SLFNL1: variants seen among roughly 807,000 people sequenced by gnomAD.
SLFNL1 encodes schlafen like 1, also known as schlafen-like protein 1.
SLFNL1 carries 26 observed loss-of-function variants against 32.5 expected under a neutral mutation model. The ratio of observed to expected loss-of-function variants is 0.80; its 90% CI spans 0.59 to 1.11. SLFNL1 has a LOEUF of 1.11. Among genes scored for constraint, SLFNL1 ranks in the 50% least tolerant of loss-of-function variants. SLFNL1 has a pLI of 0.00. For missense variants in SLFNL1, 553 were observed against 546.5 expected (o/e 1.01, Z -0.12); for synonymous variants, 255 against 242.2 (o/e 1.05, Z -0.49).
chr1:41,019,881 A>G (rs1380843154), intron 3 of SLFNL1, among the ~76,000 whole-genome samples: 5 of 152,160 alleles, frequency 3.3e-5, no homozygotes, highest in South Asian at 2.1e-4. Context: ...ATGTTTGTCA[A>G]TTGAACAAAT....
intron 3 of SLFNL1, among the ~76,000 whole-genome samples, chr1:41,019,813 CTGGGGGCCTGGCT>C (rs1380912985): frequency 6.6e-6 from 1 of 152,222 alleles, no homozygotes; most frequent in African/African-American, 2.4e-5. Context: ...GCAGGGCTTC[CTGGGGGCCTGGCT>C]GGGCCTCTCA....
chr1:41,020,322 C>T lies in SLFNL1; in HGVS notation c.339G>A (p.Gln113=). The T allele has an allele frequency of 6.2e-7, 1 of 1,613,718 alleles. No individual in the cohort carries two copies. The highest frequency in any genetic ancestry group is 8.5e-7 in the Non-Finnish European group (1 of 1,180,008). ...DTLASLPWRL[Q]TALEEHLILK... The stretch of plus-strand genomic sequence containing the variant: ...GGATTAGGTGCTCCTCCAGGGCCGT[C>T]TGCAGGCGCCAGGGGAGGGAGGCCA... Residue 113 remains glutamine (Q), a synonymous_variant, in exon 3 of 6, where the codon CAG becomes CAA. Coordinates refer to ENST00000302946, the MANE Select transcript of SLFNL1 (RefSeq NM_144990.4).
intron 3 of SLFNL1, 35 bp from the exon 4 acceptor site, chr1:41,018,191 A>G (rs1185188560): frequency 2.1e-6 from 3 of 1,437,714 alleles, no homozygotes; most frequent in Non-Finnish European, 9.1e-7. Context: ...GTATGGGTCC[A>G]GCCAGGAAAT....
intron 3 of SLFNL1, among the ~76,000 whole-genome samples, chr1:41,019,774 T>C (rs6670087): frequency 0.15 from 22,809 of 152,244 alleles, 2,220 homozygotes; most frequent in Non-Finnish European, 0.21. Flanking sequence ...TGCAGCTCGG[T>C]GGGTGGCTGT....
Position 41,017,872 on chromosome 1 carries a change from C to T in SLFNL1, c.720G>A (p.Lys240=). The part of the protein sequence containing the change: ...GSGEYLSLAF[K]HHVRRYVCAF... ...CGCACACGTAGCGCCGCACGTGGTG[C>T]TTGAAGGCCAGGCTGAGGTACTCGC... is the stretch of plus-strand genomic sequence containing the variant. The change falls in exon 4 of 6, where the codon AAG becomes AAA. Residue 240 remains lysine, a synonymous_variant. Transcript: ENST00000302946. The surrounding 1 kb of genome is among the most constrained non-coding windows in gnomAD (Gnocchi z 4.9). 3 of 1,607,630 alleles carry T rather than the reference C, an allele frequency of 1.9e-6. No individual in the cohort carries two copies. The highest frequency in any genetic ancestry group is 2.6e-6 in the Non-Finnish European group (3 of 1,175,436).
chr1:41,016,002 TCAG>T lies in SLFNL1; in HGVS notation c.*101_*103del, dbSNP rs1643291286. 6.8e-7 allele frequency: 1 copy of T among 1,461,086 alleles called. No homozygotes were observed. Among genetic ancestry groups the T allele is most frequent in the South Asian group, 1.4e-5 (1 of 71,516 alleles). The allele number at this position is 1,461,086 out of a possible 1,614,324, so 90.5% of individuals were successfully genotyped here. Reference sequence around the variant, plus strand: ...TGTTGAAGGAGTCCCTGTCCGCCTCTCAGCAGCCCGCATGGGCTTTACTGGTTG... The same window carrying T: ...TGTTGAAGGAGTCCCTGTCCGCCTCTCAGCCCGCATGGGCTTTACTGGTTG... On this transcript the variant is annotated 3_prime_UTR_variant, in exon 6 of 6. Coordinates refer to ENST00000302946, the MANE Select transcript of SLFNL1 (RefSeq NM_144990.4).
At chr1:41,016,346 A>C in intron 5 of SLFNL1, 118 bp from the exon 6 acceptor site, 22 of 1,467,286 alleles carry the variant, frequency 1.5e-5, no homozygotes, top group African/African-American at 2.8e-5. Context: ...GAGCTTTCTC[A>C]GCTAGGGGAA....
chr1:41,019,205 G>T (rs972467131), intron 3 of SLFNL1, among the ~76,000 whole-genome samples: 1 of 152,106 alleles, frequency 6.6e-6, no homozygotes. Context: ...TTGGGGTGAG[G>T]AGACTGAGGC....
Position 41,021,081 on chromosome 1 carries a change from C to T in SLFNL1, c.-125-211G>A, listed in dbSNP as rs887822555. On this transcript the variant is annotated intron_variant, in intron 1 of 5. Coordinates refer to ENST00000302946, the MANE Select transcript of SLFNL1 (RefSeq NM_144990.4). Reference sequence around the variant, plus strand: ...AGGGTTTCCTGCCTACCAGTTCACTCCTGCCTCCAGGCAACAGAGAAAACC... The same window carrying T: ...AGGGTTTCCTGCCTACCAGTTCACTTCTGCCTCCAGGCAACAGAGAAAACC... 4.5e-5 allele frequency: 8 copies of T among 176,590 alleles called. No individual in the cohort carries two copies. The East Asian group carries it at 1.1e-3, about 24-fold the overall frequency. 10.9% of individuals were successfully genotyped at this position (176,590 alleles called of 1,614,324 possible). A position where few individuals can be genotyped will look rare whatever the true frequency, so the allele number is the denominator to read the frequency against.
Position 41,017,077 on chromosome 1 carries a change from T to C in SLFNL1, c.1101+157A>G. 1 of 850,070 alleles carries C rather than the reference T, an allele frequency of 1.2e-6. No individual in the cohort carries two copies. Among genetic ancestry groups the C allele is most frequent in the Non-Finnish European group, 1.7e-6 (1 of 582,856 alleles). 52.7% of individuals were successfully genotyped at this position (850,070 alleles called of 1,614,324 possible). A position where few individuals can be genotyped will look rare whatever the true frequency, so the allele number is the denominator to read the frequency against. On this transcript the variant is annotated intron_variant, in intron 5 of 5. Coordinates refer to ENST00000302946, the MANE Select transcript of SLFNL1 (RefSeq NM_144990.4). The surrounding 1 kb of genome is among the most constrained non-coding windows in gnomAD (Gnocchi z 4.9). The stretch of plus-strand genomic sequence containing the variant: ...CCACCAGCCACCTACCCGCGGAGTA[T>C]GGGATGTGGTGTGATTGTATTCCAA...
In SLFNL1 at chr1:41,017,598, T is replaced by A. The variant is rs1643455975; in HGVS notation, c.957+37A>T. The A allele has an allele frequency of 2.0e-6, 3 of 1,512,140 alleles. No homozygotes were observed. Among genetic ancestry groups the A allele is most frequent in the Non-Finnish European group, 2.7e-6 (3 of 1,130,476 alleles). 93.7% of individuals were successfully genotyped at this position (1,512,140 alleles called of 1,614,324 possible). ...CATCGTCTTACTGAGTGATGACAGA[T>A]GACAGGCCCAGAGGCCCTCCTGTCC... is the stretch of plus-strand genomic sequence containing the variant. On this transcript the variant is annotated intron_variant, in intron 4 of 5. Coordinates refer to ENST00000302946, the MANE Select transcript of SLFNL1 (RefSeq NM_144990.4). The surrounding 1 kb of genome is among the most constrained non-coding windows in gnomAD (Gnocchi z 4.9).
intron 3 of SLFNL1, 50 bp downstream of exon 3, chr1:41,020,176 T>C (rs1245387195): frequency 6.6e-7 from 1 of 1,519,818 alleles, no homozygotes; most frequent in Non-Finnish European, 8.8e-7. Context: ...ACTCAGAGGC[T>C]CTCCCTTGGG....
Position 41,016,067 on chromosome 1 carries a change from T to C in SLFNL1, c.*39A>G, listed in dbSNP as rs1195794920. The C allele has an allele frequency of 6.3e-7, 1 of 1,590,968 alleles. No homozygotes were observed. Among genetic ancestry groups the C allele is most frequent in the East Asian group, 2.3e-5 (1 of 43,616 alleles). On this transcript the variant is annotated 3_prime_UTR_variant, in exon 6 of 6. Coordinates refer to ENST00000302946, the MANE Select transcript of SLFNL1 (RefSeq NM_144990.4). ...AAACAGGAAATCCCTGGGTCTCAGG[T>C]GGAGAGTGCCGTGCCGTCCTGCCTG... is the stretch of plus-strand genomic sequence containing the variant.
rs369339564 is a variant in SLFNL1, at chr1:41,017,761, G to A, written c.831C>T (p.Asp277=). The A allele has an allele frequency of 1.1e-5, 17 of 1,607,894 alleles. No individual in the cohort carries two copies. The highest frequency in any genetic ancestry group is 2.2e-5 in the East Asian group (1 of 44,736). ...CCACCAGCAGGCGTGCGCGGTCCTCGTCACGGTGGCTGCAGCGGATGCCCT... is the reference window on the plus strand; with the variant it reads ...CCACCAGCAGGCGTGCGCGGTCCTCATCACGGTGGCTGCAGCGGATGCCCT... ...LVQGIRCSHR[D]EDRARLLVDS... The change falls in exon 4 of 6, where the codon GAC becomes GAT. Residue 277 remains aspartate (D), a synonymous_variant. Transcript: ENST00000302946. This position sits in a 1 kb window ranked among gnomAD's most constrained non-coding sequence, Gnocchi z 4.9.
At position 41,020,216 on chromosome 1, in the gene SLFNL1, T is replaced by A; in HGVS notation, c.435+10A>T. The A allele has an allele frequency of 5.1e-6, 8 of 1,568,168 alleles. No individual in the cohort carries two copies. The highest frequency in any genetic ancestry group is 6.9e-6 in the Non-Finnish European group (8 of 1,156,178). On this transcript the variant is annotated intron_variant, in intron 3 of 5. Transcript: ENST00000302946. ...GGCTTTGGAGCTTGCTTGGGAAAAG[T>A]CCCACTTACCTCTCTGTGGCTGAAG...
At chr1:41,021,146 A>G in intron 1 of SLFNL1, 1 of 157,596 alleles carries the variant, frequency 6.3e-6, no homozygotes, top group Admixed American at 6.0e-5. Flanking sequence ...TTAACCCAGG[A>G]CTCTGAGGAC....
rs367722858 is a variant in SLFNL1, at chr1:41,020,192, G to A, written c.435+34C>T. 1.6e-4 allele frequency: 245 copies of A among 1,552,690 alleles called. 1 individual carries two copies. The Middle Eastern group carries it at 3.3e-3, about 21-fold the overall frequency. The stretch of plus-strand genomic sequence containing the variant: ...CTCAGAGGCTCTCCCTTGGGGTGAG[G>A]CTTTGGAGCTTGCTTGGGAAAAGTC... On this transcript the variant is annotated intron_variant, in intron 3 of 5. Transcript: ENST00000302946.
At position 41,020,767 on chromosome 1, in the gene SLFNL1, GTGT is replaced by G; in HGVS notation, c.-110_-108del. The G allele has an allele frequency of 2.9e-6, 3 of 1,022,474 alleles. No individual in the cohort carries two copies. The highest frequency in any genetic ancestry group is 4.3e-6 in the Non-Finnish European group (3 of 703,382). The allele number at this position is 1,022,474 out of a possible 1,614,324, so 63.3% of individuals were successfully genotyped here. ...TAAGGGCTCCCAGAGGACTCAGGGA[GTGT>G]CCCGGCTCCTGGGAGGTACACAGAT... is the stretch of plus-strand genomic sequence containing the variant. On this transcript the variant is annotated 5_prime_UTR_variant, in exon 3 of 6. Coordinates refer to ENST00000302946, the MANE Select transcript of SLFNL1 (RefSeq NM_144990.4).
rs3738368 is a variant in SLFNL1, at chr1:41,020,230, C to G, written c.431G>C (p.Arg144Thr). The change falls in exon 3 of 6, where the codon AGA (arginine) becomes ACA (threonine). Residue 144 changes from arginine (R) to threonine (T), a missense_variant. Physicochemically the swap from Arg to Thr is moderately conservative, Grantham distance 71. Transcript: ENST00000302946. ...CTTGGGAAAAGTCCCACTTACCTCT[C>G]TGTGGCTGAAGGGCCCTTGGGCCTC... Reference protein sequence around the residue: ...LSEAQGPFSHREEKEEEEEDS... With the variant: ...LSEAQGPFSHTEEKEEEEEDS... The G allele has an allele frequency of 0.29, 466,870 of 1,586,304 alleles. 72,357 individuals are homozygous for G. The highest frequency in any genetic ancestry group is 0.32 in the Non-Finnish European group (373,495 of 1,165,128).
Sources: allele counts gnomAD v4.1 joint callset (sites outside exome capture counted in the v4.1 genomes callset), GRCh38; gene constraint gnomAD v4.1.1; non-coding constraint Gnocchi (gnomAD v3.1); transcripts MANE v1.5; gene names NCBI Gene and HGNC (gene_info 2026-07-23, HGNC 2026-07-21).